RIMBP2: variants seen among roughly 807,000 people sequenced by gnomAD.
The protein encoded by RIMBP2 is RIMS-binding protein 2.
Under a neutral mutation model 118.6 loss-of-function variants are expected in RIMBP2, and 48 were observed. The ratio of observed to expected loss-of-function variants is 0.40; its 90% CI spans 0.32 to 0.51. RIMBP2 has a LOEUF of 0.51. Among genes scored for constraint, RIMBP2 ranks in the 20% least tolerant of loss-of-function variants. The pLI, the probability that RIMBP2 is intolerant of heterozygous loss-of-function variation, is 0.41. For missense variants in RIMBP2, 1,551 were observed against 1,768.3 expected, an observed-to-expected ratio of 0.88 and a Z score of 2.20; for synonymous variants, 762 against 742.9, an observed-to-expected ratio of 1.03 and a Z score of -0.42.
intron 14 of RIMBP2, among the ~76,000 whole-genome samples, chr12:130,433,588 T>G (rs1438784426): frequency 1.3e-5 from 2 of 152,216 alleles, no homozygotes; most frequent in Non-Finnish European, 2.9e-5. Flanking sequence ...ACATCACTGA[T>G]AAGCCATTCA....
chr12:130,494,344 G>C (rs934759156), intron 4 of RIMBP2, among the ~76,000 whole-genome samples: 1 of 151,976 alleles, frequency 6.6e-6, no homozygotes, highest in Non-Finnish European at 1.5e-5. Flanking sequence ...GGATGCAAAC[G>C]TGCTTTGAAA....
intron 1 of RIMBP2, among the ~76,000 whole-genome samples, chr12:130,678,869 G>A (rs1166957317): frequency 3.9e-5 from 6 of 152,096 alleles, no homozygotes; most frequent in African/African-American, 1.4e-4. Flanking sequence ...AATCCACAGA[G>A]GCAGAACGTA....
chr12:130,506,878 C>T (rs932072683), intron 3 of RIMBP2, 108 bp from the exon 4 acceptor site: 1 of 813,284 alleles, frequency 1.2e-6, no homozygotes, highest in Non-Finnish European at 1.5e-6. Context: ...CCTAGAGAAT[C>T]CTTCCCTCCC....
At position 130,674,203 on chromosome 12, in the gene RIMBP2, G is replaced by A. The variant is rs146177273; in HGVS notation, c.-352+42019C>T. 3.3e-4 allele frequency among the ~76,000 whole-genome samples: 50 copies of A among 152,128 alleles called. No homozygotes were observed. In the East Asian group the frequency reaches 7.9e-3, roughly 24 times the overall value. ...CTAAGTGTTTGGCGCCTTCTCCTTC[G>A]CTTCTCTCTCTCCTGCTCCAGCCAT... is the stretch of plus-strand genomic sequence containing the variant. On this transcript the variant is annotated intron_variant, in intron 1 of 22. Coordinates refer to ENST00000690449, the MANE Select transcript of RIMBP2 (RefSeq NM_001393629.1).
intron 2 of RIMBP2, among the ~76,000 whole-genome samples, chr12:130,538,832 A>C (rs2054302702): frequency 6.6e-6 from 1 of 151,712 alleles, no homozygotes; most frequent in South Asian, 2.1e-4. Context: ...TCCTGCCCCC[A>C]CTCTTCCCTC....
chr12:130,522,594 C>T (rs544978281), intron 2 of RIMBP2, among the ~76,000 whole-genome samples: 2 of 152,328 alleles, frequency 1.3e-5, no homozygotes, highest in South Asian at 2.1e-4. Context: ...AGGCGGAATT[C>T]GACTTCAAGG....
chr12:130,667,012 A>G (rs1594172766), intron 1 of RIMBP2, among the ~76,000 whole-genome samples: 2 of 49,956 alleles, frequency 4.0e-5, no homozygotes, highest in Non-Finnish European at 8.1e-5. Context: ...GGAGGGAGGG[A>G]GGGAGGGAGA....
In RIMBP2 at chr12:130,688,023, C is replaced by T. The variant is rs2065138685; in HGVS notation, c.-352+28199G>A. Among the ~76,000 whole-genome samples the T allele has an allele frequency of 1.3e-5, 2 of 152,222 alleles. No homozygotes were observed. The highest frequency in any genetic ancestry group is 2.1e-4 in the South Asian group (1 of 4,828). ...CCAAAGACCTGACAATCTCGGCCAACAGCTCAGATCAACTATTGTTAAAAT... is the reference window on the plus strand; with the variant it reads ...CCAAAGACCTGACAATCTCGGCCAATAGCTCAGATCAACTATTGTTAAAAT... On this transcript the variant is annotated intron_variant, in intron 1 of 22. Transcript: ENST00000690449. This position sits in a 1 kb window ranked among gnomAD's most constrained non-coding sequence, Gnocchi z 4.7.
intron 1 of RIMBP2, among the ~76,000 whole-genome samples, chr12:130,673,543 A>G (rs1243052144): frequency 6.6e-6 from 1 of 152,204 alleles, no homozygotes; most frequent in Non-Finnish European, 1.5e-5. Context: ...AGCTTTGGGA[A>G]GAAGGCCAGG....
intron 12 of RIMBP2, among the ~76,000 whole-genome samples, chr12:130,437,823 G>C (rs1184959491): frequency 2.6e-5 from 4 of 152,194 alleles, no homozygotes; most frequent in Non-Finnish European, 4.4e-5. Flanking sequence ...CTGCAGGGCG[G>C]AGCTGGGGAC....
rs142624195 is a variant in RIMBP2, at chr12:130,672,152, G to A, written c.-351-43696C>T. The stretch of plus-strand genomic sequence containing the variant: ...TGCCTCCAAGTCTCATCAATGCTCG[G>A]AGAATTCTAAGATAATTCCCTTTTA... On this transcript the variant is annotated intron_variant, in intron 1 of 22. Coordinates refer to ENST00000690449, the MANE Select transcript of RIMBP2 (RefSeq NM_001393629.1). Among the ~76,000 whole-genome samples the A allele has an allele frequency of 4.3e-3, 659 of 152,272 alleles. 8 individuals carry two copies. Among genetic ancestry groups the A allele is most frequent in the Admixed American group, 7.8e-3 (120 of 15,288 alleles).
At chr12:130,712,618 A>G (rs1950003098) in intron 1 of RIMBP2, among the ~76,000 whole-genome samples, 2 of 152,324 alleles carry the variant, frequency 1.3e-5, no homozygotes, top group African/African-American at 2.4e-5. Flanking sequence ...AGGCTGTTCC[A>G]CAGCTCACTT....
chr12:130,466,796 C>T (rs1008016332), intron 6 of RIMBP2, among the ~76,000 whole-genome samples: 5 of 152,194 alleles, frequency 3.3e-5, no homozygotes. Flanking sequence ...GAACTCAGCT[C>T]CTAACCCTCT....
chr12:130,659,414 A>G (rs1310360944), intron 1 of RIMBP2, among the ~76,000 whole-genome samples: 1 of 151,834 alleles, frequency 6.6e-6, no homozygotes, highest in African/African-American at 2.4e-5. Flanking sequence ...TACTAAAAAT[A>G]CAAAAAATTA....
intron 2 of RIMBP2, among the ~76,000 whole-genome samples, chr12:130,569,717 C>A (rs903819676): frequency 6.6e-6 from 1 of 152,184 alleles, no homozygotes; most frequent in Admixed American, 6.5e-5. Flanking sequence ...CTGTGCAAGA[C>A]GCCTGTTCCC....
intron 2 of RIMBP2, among the ~76,000 whole-genome samples, chr12:130,624,762 T>C (rs1252824703): frequency 6.6e-6 from 1 of 152,230 alleles, no homozygotes; most frequent in Non-Finnish European, 1.5e-5. Flanking sequence ...TCTTGCGCTG[T>C]TGCCCAGAAT....
intron 2 of RIMBP2, among the ~76,000 whole-genome samples, chr12:130,556,328 A>G (rs2056353935): frequency 6.6e-6 from 1 of 152,204 alleles, no homozygotes; most frequent in African/African-American, 2.4e-5. Context: ...GGTGGTTTCT[A>G]TGAAGCCCTA....
At chr12:130,704,174 G>A (rs1423692315) in intron 1 of RIMBP2, among the ~76,000 whole-genome samples, 1 of 152,132 alleles carries the variant, frequency 6.6e-6, no homozygotes, top group Admixed American at 6.6e-5. Context: ...GCAGGAGGAG[G>A]GACGAGGACC....
intron 2 of RIMBP2, among the ~76,000 whole-genome samples, chr12:130,518,168 T>C (rs1593616597): frequency 6.6e-6 from 1 of 152,334 alleles, no homozygotes; most frequent in South Asian, 2.1e-4. Context: ...TATTAATCAC[T>C]TAGTGTCTGT....
Sources: allele counts gnomAD v4.1 joint callset (sites outside exome capture counted in the v4.1 genomes callset), GRCh38; gene constraint gnomAD v4.1.1; non-coding constraint Gnocchi (gnomAD v3.1); transcripts MANE v1.5; gene names NCBI Gene and HGNC (gene_info 2026-07-23, HGNC 2026-07-21).